The following MYO16 variants were observed in gnomAD, a reference collection of about 807,000 sequenced individuals.
The protein encoded by MYO16 is myosin XVI.
A neutral mutation model predicts 205.3 loss-of-function variants in MYO16; 94 were observed. The ratio of observed to expected loss-of-function variants is 0.46; its 90% CI spans 0.39 to 0.54. MYO16 has a LOEUF of 0.54. MYO16 is among the 20% of genes least tolerant of loss of function. The pLI is 0.00. For synonymous variants in MYO16, 988 were observed against 954.0 expected, an observed-to-expected ratio of 1.04 and a Z score of -0.66; for missense variants, 2,315 against 2,387.5, an observed-to-expected ratio of 0.97 and a Z score of 0.63.
chr13:108,970,748 A>C (rs138935195), intron 20 of MYO16, among the ~76,000 whole-genome samples: 1 of 152,164 alleles, frequency 6.6e-6, no homozygotes, highest in Non-Finnish European at 1.5e-5. Flanking sequence ...TGTGAAATGC[A>C]TGTGTGTGTG....
chr13:108,509,671 T>C, the MYO16 span, among the ~76,000 whole-genome samples: 1 of 152,178 alleles, frequency 6.6e-6, no homozygotes. Context: ...AGTTTAAGAA[T>C]AGCATTAGAA....
chr13:109,072,702 A>C (rs1366697608), intron 27 of MYO16, among the ~76,000 whole-genome samples: 4 of 152,144 alleles, frequency 2.6e-5, no homozygotes, highest in Admixed American at 2.0e-4. Context: ...GGCATTTTGC[A>C]ACATGGATGG....
chr13:109,096,211 G>C (rs1026515741), intron 27 of MYO16, among the ~76,000 whole-genome samples: 3 of 152,130 alleles, frequency 2.0e-5, no homozygotes, highest in African/African-American at 4.8e-5. Flanking sequence ...ACTCTGGGTG[G>C]CATCCGCTCT....
At chr13:108,931,068 T>G (rs772694253) in intron 16 of MYO16, among the ~76,000 whole-genome samples, 1 of 152,220 alleles carries the variant, frequency 6.6e-6, no homozygotes, top group Non-Finnish European at 1.5e-5. Flanking sequence ...TGGGCTCCCC[T>G]GTAAATACAC....
chr13:108,718,047 A>T (rs1010646739), intron 3 of MYO16, among the ~76,000 whole-genome samples: 1 of 152,198 alleles, frequency 6.6e-6, no homozygotes, highest in South Asian at 2.1e-4. Context: ...GCTCTTCACC[A>T]TCAGTTTCTC....
the MYO16 span, among the ~76,000 whole-genome samples, chr13:108,575,567 G>A: frequency 6.6e-6 from 1 of 152,122 alleles, no homozygotes; most frequent in South Asian, 2.1e-4. Context: ...GAGAGGCACA[G>A]ACCCATAGCA....
chr13:108,921,671 A>G (rs1274936948), intron 16 of MYO16, among the ~76,000 whole-genome samples: 2 of 152,210 alleles, frequency 1.3e-5, no homozygotes, highest in Non-Finnish European at 2.9e-5. Context: ...TTATATCCTC[A>G]ATACAGGGTG....
intron 3 of MYO16, among the ~76,000 whole-genome samples, chr13:108,720,280 G>A (rs1377711229): frequency 6.6e-6 from 1 of 152,192 alleles, no homozygotes; most frequent in Non-Finnish European, 1.5e-5. Context: ...GGCTGAAAGG[G>A]CCGGTCTGCG....
chr13:108,808,836 C>T (rs529308030), intron 7 of MYO16, among the ~76,000 whole-genome samples: 3 of 152,200 alleles, frequency 2.0e-5, no homozygotes, highest in Admixed American at 6.5e-5. Flanking sequence ...ACACATGATA[C>T]ATGCCATGCG....
intron 23 of MYO16, among the ~76,000 whole-genome samples, chr13:109,041,646 A>T (rs1886888135): frequency 6.6e-6 from 1 of 152,232 alleles, no homozygotes; most frequent in Non-Finnish European, 1.5e-5. Flanking sequence ...TAATGTCAAT[A>T]TCCTGGTTGT....
chr13:109,090,794 G>C (rs936565116), intron 27 of MYO16, among the ~76,000 whole-genome samples: 1 of 152,120 alleles, frequency 6.6e-6, no homozygotes, highest in Admixed American at 6.6e-5. Context: ...TTCCTTAAAA[G>C]AAAAAATAAC....
At chr13:109,155,811 TCTC>T (rs1169758864) in intron 32 of MYO16, among the ~76,000 whole-genome samples, 4 of 152,190 alleles carry the variant, frequency 2.6e-5, no homozygotes, top group African/African-American at 9.7e-5. Flanking sequence ...CAGTCTCCAC[TCTC>T]CTCACATCCA....
intron 27 of MYO16, among the ~76,000 whole-genome samples, chr13:109,082,280 C>T (rs977738073): frequency 6.6e-6 from 1 of 152,118 alleles, no homozygotes; most frequent in African/African-American, 2.4e-5. Flanking sequence ...TGCCAGATGC[C>T]CTTGAGGAAG....
chr13:108,883,291 C>T (rs1879709093), intron 13 of MYO16, 105 bp downstream of exon 13: 1 of 1,372,726 alleles, frequency 7.3e-7, no homozygotes. Flanking sequence ...TTTCTCAGCA[C>T]CTTGAGGTCC....
chr13:108,866,212 A>G lies in MYO16; in HGVS notation c.1395A>G (p.Pro465=), dbSNP rs756376725. Residue 465 remains proline, a synonymous_variant, in exon 12 of 35, where the codon CCA becomes CCG. Transcript: ENST00000457511. ...GAGACATTCTTTTGCTTGTTAACCC[A>G]TACAAGGAGCTTCCAATTTATTCTT... ...FIGDILLLVN[P]YKELPIYSSM... is the part of the protein sequence containing the mutation. 6.9e-6 allele frequency: 11 copies of G among 1,603,852 alleles called. No homozygotes were observed. The highest frequency in any genetic ancestry group is 2.7e-5 in the African/African-American group (2 of 74,638).
intron 2 of MYO16, among the ~76,000 whole-genome samples, chr13:108,670,851 A>G (rs1449194009): frequency 6.6e-6 from 1 of 152,194 alleles, no homozygotes; most frequent in Non-Finnish European, 1.5e-5. Flanking sequence ...AATATAATAT[A>G]ATCTTATCAA....
rs139992733 is a variant in MYO16 at position 109,108,095 on chromosome 13, G to C, written c.3438+7208G>C. Among the ~76,000 whole-genome samples the C allele has an allele frequency of 3.3e-5, 5 of 152,276 alleles. No individual in the cohort carries two copies. In the East Asian group the frequency reaches 7.7e-4, roughly 24 times the overall value. On this transcript the variant is annotated intron_variant, in intron 28 of 34. Transcript: ENST00000457511. ...TTTAAAAATGATATTACATGTATTT[G>C]ATCCTTACTCAGTGTGTCTTTCTCT...
At chr13:108,954,314 GGC>G (rs1264571829) in intron 16 of MYO16, among the ~76,000 whole-genome samples, 1 of 152,048 alleles carries the variant, frequency 6.6e-6, no homozygotes, top group African/African-American at 2.4e-5. Flanking sequence ...CAAAACAAGT[GGC>G]CCCTCAATGG....
At chr13:108,821,754 C>T (rs556118044) in intron 8 of MYO16, among the ~76,000 whole-genome samples, 29 of 152,122 alleles carry the variant, frequency 1.9e-4, no homozygotes, top group Non-Finnish European at 3.5e-4. Flanking sequence ...AATGAATGCA[C>T]TTCTGGTCTA....
Sources: gnomAD v4.1 joint callset for allele counts (sites outside exome capture counted in the v4.1 genomes callset) on GRCh38, gnomAD v4.1.1 for gene constraint, MANE v1.5 for transcripts, NCBI Gene and HGNC (gene_info 2026-07-23, HGNC 2026-07-21) for gene names.